Variants in TRIM54 observed in about 807,000 individuals in gnomAD.
The protein encoded by TRIM54 is tripartite motif-containing protein 54.
Under a neutral mutation model 42.0 loss-of-function variants are expected in TRIM54, and 40 were observed. That is an observed-to-expected ratio of 0.95 (90% CI 0.74 to 1.24). TRIM54 has a LOEUF of 1.24. Among genes scored for constraint, TRIM54 ranks in the 50% most tolerant of loss-of-function variants. The probability of loss-of-function intolerance (pLI) is 0.00; values close to 1 mark genes in which losing one functional copy is unlikely to be tolerated. For missense variants in TRIM54, 485 were observed against 480.3 expected (o/e 1.01, Z -0.09); for synonymous variants, 199 against 194.9 (o/e 1.02, Z -0.17).
intron 1 of TRIM54, among the ~76,000 whole-genome samples, chr2:27,286,512 C>T (rs1207435091): frequency 1.3e-5 from 2 of 152,302 alleles, no homozygotes; most frequent in African/African-American, 2.4e-5. Flanking sequence ...GGGAATTTGA[C>T]ACAAACATCT....
chr2:27,293,746 G>A (rs1340314765), intron 1 of TRIM54, among the ~76,000 whole-genome samples: 4 of 152,354 alleles, frequency 2.6e-5, no homozygotes, highest in African/African-American at 9.6e-5. Flanking sequence ...AAACGGCCAG[G>A]TGAGGTGGCT....
intron 1 of TRIM54, among the ~76,000 whole-genome samples, chr2:27,298,190 G>C (rs1215599132): frequency 6.6e-6 from 1 of 152,110 alleles, no homozygotes; most frequent in Non-Finnish European, 1.5e-5. Flanking sequence ...GAGGGCCCCA[G>C]ACTGGAAGAC....
intron 1 of TRIM54, among the ~76,000 whole-genome samples, chr2:27,288,086 C>T (rs1410786651): frequency 6.6e-6 from 1 of 152,254 alleles, no homozygotes; most frequent in African/African-American, 2.4e-5. Flanking sequence ...TGCAGCTCAG[C>T]TTTTACCAAA....
chr2:27,304,926 C>G, intron 3 of TRIM54, 33 bp from the exon 4 acceptor site: 4 of 1,602,476 alleles, frequency 2.5e-6, no homozygotes, highest in Non-Finnish European at 3.4e-6. Context: ...AGGCCAGGTC[C>G]CAGCTCTGAG....
Position 27,282,588 on chromosome 2 carries a change from TG to T in TRIM54, c.-143del. 1.1e-5 allele frequency: 9 copies of T among 846,472 alleles called. No homozygotes were observed. The highest frequency in any genetic ancestry group is 1.6e-5 in the Non-Finnish European group (9 of 566,230). The allele number at this position is 846,472 out of a possible 1,614,324, so 52.4% of individuals were successfully genotyped here. ...GACTGCTATCTGGGACGAGACAAGTTGTTAAAGGGACAGGAGAGAAAGCAGA... is the reference window on the plus strand; with the variant it reads ...GACTGCTATCTGGGACGAGACAAGTTTTAAAGGGACAGGAGAGAAAGCAGA... On this transcript the variant is annotated 5_prime_UTR_variant, in exon 1 of 9. Coordinates refer to ENST00000380075, the MANE Select transcript of TRIM54 (RefSeq NM_187841.3).
intron 3 of TRIM54, 81 bp downstream of exon 3, chr2:27,299,497 AT>A: frequency 1.3e-6 from 2 of 1,554,590 alleles, no homozygotes; most frequent in Non-Finnish European, 1.7e-6. Flanking sequence ...TACTCCACTT[AT>A]CTTTTGTTTA....
intron 1 of TRIM54, among the ~76,000 whole-genome samples, chr2:27,291,765 A>C (rs553507138): frequency 6.6e-6 from 1 of 152,216 alleles, no homozygotes; most frequent in Admixed American, 6.6e-5. Flanking sequence ...AAGCAATCAC[A>C]GAAGGGAAGG....
intron 3 of TRIM54, among the ~76,000 whole-genome samples, chr2:27,303,147 G>A (rs1679080772): frequency 6.6e-6 from 1 of 152,174 alleles, no homozygotes; most frequent in Non-Finnish European, 1.5e-5. Flanking sequence ...AACCCTGAGT[G>A]GCAAGCACAG....
At chr2:27,300,907 G>A (rs996341391) in intron 3 of TRIM54, among the ~76,000 whole-genome samples, 9 of 152,030 alleles carry the variant, frequency 5.9e-5, no homozygotes, top group Admixed American at 1.3e-4. Context: ...AGATCTCACT[G>A]TGTTGCCCAG....
intron 1 of TRIM54, among the ~76,000 whole-genome samples, chr2:27,293,828 C>T (rs567320608): frequency 6.6e-6 from 1 of 152,188 alleles, no homozygotes; most frequent in South Asian, 2.1e-4. Flanking sequence ...TCAAGACCAG[C>T]CTGGCCAACA....
At chr2:27,286,806 C>A (rs187636111) in intron 1 of TRIM54, among the ~76,000 whole-genome samples, 1 of 152,158 alleles carries the variant, frequency 6.6e-6, no homozygotes, top group Admixed American at 6.6e-5. Context: ...ACTTTTGTTT[C>A]GCGCCACCCA....
chr2:27,300,234 C>T (rs1558588432), intron 3 of TRIM54, among the ~76,000 whole-genome samples: 1 of 152,104 alleles, frequency 6.6e-6, no homozygotes, highest in South Asian at 2.1e-4. Flanking sequence ...TGCAATGGCA[C>T]GATCTCGGCT....
intron 5 of TRIM54, 43 bp downstream of exon 5, chr2:27,305,860 G>A: frequency 6.6e-7 from 1 of 1,506,722 alleles, no homozygotes; most frequent in Non-Finnish European, 9.0e-7. Context: ...AGTGGCTGGA[G>A]TCAGGGCCTT....
At chr2:27,296,157 T>C (rs919418981) in intron 1 of TRIM54, among the ~76,000 whole-genome samples, 1 of 152,232 alleles carries the variant, frequency 6.6e-6, no homozygotes, top group African/African-American at 2.4e-5. Flanking sequence ...CTACAGCCCT[T>C]GCTACCAAAG....
At chr2:27,303,538 A>C (rs1469373685) in intron 3 of TRIM54, among the ~76,000 whole-genome samples, 1 of 151,518 alleles carries the variant, frequency 6.6e-6, no homozygotes, top group East Asian at 1.9e-4. Context: ...CAACAGGGAG[A>C]GACTCCGTCT....
At chr2:27,298,954 G>C (rs1678947595) in intron 2 of TRIM54, among the ~76,000 whole-genome samples, 1 of 152,150 alleles carries the variant, frequency 6.6e-6, no homozygotes, top group Admixed American at 6.5e-5. Flanking sequence ...TCTCCTCCTG[G>C]GAGAGGCTGG....
In TRIM54 at chr2:27,306,008, G is replaced by A. The variant is rs1326258880; in HGVS notation, c.844-72G>A. 2 of 1,596,096 alleles carry A rather than the reference G, an allele frequency of 1.3e-6. No individual in the cohort carries two copies. Among genetic ancestry groups the A allele is most frequent in the Non-Finnish European group, 1.7e-6 (2 of 1,168,274 alleles). On this transcript the variant is annotated intron_variant, in intron 5 of 8. Coordinates refer to ENST00000380075, the MANE Select transcript of TRIM54 (RefSeq NM_187841.3). The surrounding 1 kb of genome is among the most constrained non-coding windows in gnomAD (Gnocchi z 6.1). ...TTCCCACCTACCCCGCAGGACTGTG[G>A]TGAGATTCAGAAATGGGACTTTGCC... is the stretch of plus-strand genomic sequence containing the variant.
At chr2:27,304,920 C>T (rs1679145632) in intron 3 of TRIM54, 39 bp from the exon 4 acceptor site, 1 of 1,593,220 alleles carries the variant, frequency 6.3e-7, no homozygotes. Flanking sequence ...AGCTCTAGGC[C>T]AGGTCCCAGC....
chr2:27,294,166 TC>T (rs1357598688), intron 1 of TRIM54, among the ~76,000 whole-genome samples: 2 of 152,216 alleles, frequency 1.3e-5, no homozygotes, highest in Admixed American at 6.5e-5. Context: ...TCTCCCTCTG[TC>T]ACCCATGCTG....
Sources: gnomAD v4.1 joint callset for allele counts (sites outside exome capture counted in the v4.1 genomes callset) on GRCh38, gnomAD v4.1.1 for gene constraint, Gnocchi (gnomAD v3.1) non-coding constraint, MANE v1.5 for transcripts, NCBI Gene and HGNC (gene_info 2026-07-23, HGNC 2026-07-21) for gene names.